The following CACNA2D3 variants were observed in gnomAD, a reference collection of about 807,000 sequenced individuals.
The protein encoded by CACNA2D3 is calcium voltage-gated channel auxiliary subunit alpha2delta 3.
CACNA2D3 carries 60 observed loss-of-function variants against 160.6 expected under a neutral mutation model. The ratio of observed to expected loss-of-function variants is 0.37; its 90% confidence interval spans 0.30 to 0.46. The LOEUF (loss-of-function observed/expected upper bound fraction) is 0.46, where lower values mean the gene tolerates loss of function less well. Ranked by LOEUF, CACNA2D3 falls within the 20% of genes least tolerant of loss-of-function variation. CACNA2D3 has a pLI of 1.00. For missense variants in CACNA2D3, 1,205 were observed against 1,365.0 expected (o/e 0.88, Z 1.85); for synonymous variants, 558 against 492.9 (o/e 1.13, Z -1.75).
At chr3:54,976,204 C>T (rs901383184) in intron 29 of CACNA2D3, among the ~76,000 whole-genome samples, 1 of 151,614 alleles carries the variant, frequency 6.6e-6, no homozygotes, top group African/African-American at 2.4e-5. Context: ...TGGGGGTCAG[C>T]CAGTAGAAAG....
intron 3 of CACNA2D3, among the ~76,000 whole-genome samples, chr3:54,355,378 C>T (rs1379896298): frequency 6.6e-6 from 1 of 152,072 alleles, no homozygotes; most frequent in African/African-American, 2.4e-5. Flanking sequence ...TCTGCAGGAG[C>T]TAGAGTGGAA....
At chr3:54,326,009 A>G (rs1384370829) in intron 3 of CACNA2D3, among the ~76,000 whole-genome samples, 1 of 152,168 alleles carries the variant, frequency 6.6e-6, no homozygotes, top group African/African-American at 2.4e-5. Flanking sequence ...CCCCCTTCCT[A>G]TAGTTACCTG....
intron 19 of CACNA2D3, 115 bp downstream of exon 19, chr3:54,879,204 T>C (rs1699734390): frequency 1.2e-6 from 1 of 851,746 alleles, no homozygotes; most frequent in Non-Finnish European, 1.8e-6. Context: ...TTTTCTCTTG[T>C]CTTTACTTAT....
At chr3:54,369,167 CGTTT>C (rs1048041034) in intron 3 of CACNA2D3, among the ~76,000 whole-genome samples, 6 of 151,718 alleles carry the variant, frequency 4.0e-5, no homozygotes, top group African/African-American at 1.5e-4. Context: ...TGTTGAGTTT[CGTTT>C]GTTTGTTTCA....
intron 3 of CACNA2D3, among the ~76,000 whole-genome samples, chr3:54,366,554 C>T (rs529178275): frequency 5.9e-5 from 9 of 152,108 alleles, no homozygotes; most frequent in Non-Finnish European, 7.4e-5. Context: ...AAATTGGATT[C>T]GCAGGAGATG....
At chr3:54,540,747 C>G (rs913560129) in intron 5 of CACNA2D3, among the ~76,000 whole-genome samples, 1 of 152,084 alleles carries the variant, frequency 6.6e-6, no homozygotes, top group Non-Finnish European at 1.5e-5. Flanking sequence ...TGAGTGTTCC[C>G]TCTCATGATT....
chr3:54,924,496 T>C (rs1700953157), intron 27 of CACNA2D3: 3 of 757,404 alleles, frequency 4.0e-6, no homozygotes, highest in African/African-American at 3.5e-5. Flanking sequence ...ATGGCACCGA[T>C]GTGTAAAAGC....
At chr3:54,868,120 C>T (rs2106814486) in intron 17 of CACNA2D3, among the ~76,000 whole-genome samples, 1 of 152,244 alleles carries the variant, frequency 6.6e-6, no homozygotes, top group South Asian at 2.1e-4. Context: ...TGGATTTAGG[C>T]TTAGTACATT....
intron 5 of CACNA2D3, among the ~76,000 whole-genome samples, chr3:54,518,444 T>C (rs796359739): frequency 6.6e-5 from 10 of 152,272 alleles, no homozygotes; most frequent in African/African-American, 2.4e-4. Context: ...AGTGCCCCTC[T>C]GAGAAGCACC....
chr3:54,190,362 C>A (rs763412805), intron 2 of CACNA2D3, among the ~76,000 whole-genome samples: 7 of 152,202 alleles, frequency 4.6e-5, no homozygotes, highest in Non-Finnish European at 1.0e-4. Context: ...CTTAAATCTG[C>A]TTTCCTCTGT....
chr3:54,354,982 T>G (rs1698624425), intron 3 of CACNA2D3, among the ~76,000 whole-genome samples: 1 of 152,274 alleles, frequency 6.6e-6, no homozygotes, highest in Admixed American at 6.5e-5. Flanking sequence ...TTATTTTGGA[T>G]TTTCTCTGTC....
At chr3:54,124,888 A>G (rs764200395) in intron 2 of CACNA2D3, among the ~76,000 whole-genome samples, 3 of 152,206 alleles carry the variant, frequency 2.0e-5, no homozygotes, top group Non-Finnish European at 4.4e-5. Context: ...GAGAATTTAC[A>G]TACCTGTGGC....
intron 4 of CACNA2D3, among the ~76,000 whole-genome samples, chr3:54,414,345 A>G (rs1211445970): frequency 6.6e-6 from 1 of 152,106 alleles, no homozygotes; most frequent in African/African-American, 2.4e-5. Flanking sequence ...TTGTATTAGT[A>G]CCATCCCTTT....
At chr3:54,215,463 T>A (rs1701443689) in intron 2 of CACNA2D3, among the ~76,000 whole-genome samples, 1 of 152,258 alleles carries the variant, frequency 6.6e-6, no homozygotes, top group South Asian at 2.1e-4. Flanking sequence ...ACTTTGTATC[T>A]TTTGACTGCG....
intron 8 of CACNA2D3, among the ~76,000 whole-genome samples, chr3:54,573,445 T>C (rs1246875329): frequency 2.0e-5 from 3 of 152,258 alleles, no homozygotes; most frequent in Admixed American, 6.5e-5. Flanking sequence ...AATGTTTCTG[T>C]GTATATGAGC....
chr3:54,441,982 T>A (rs1010419575), intron 4 of CACNA2D3, among the ~76,000 whole-genome samples: 1 of 152,198 alleles, frequency 6.6e-6, no homozygotes, highest in Non-Finnish European at 1.5e-5. Flanking sequence ...ATTTAAAACT[T>A]TTTTTAGAGA....
At chr3:54,677,403 A>G (rs1277560155) in intron 11 of CACNA2D3, among the ~76,000 whole-genome samples, 1 of 152,230 alleles carries the variant, frequency 6.6e-6, no homozygotes, top group Non-Finnish European at 1.5e-5. Context: ...GGCAAAAATT[A>G]GCTATCATCA....
intron 9 of CACNA2D3, among the ~76,000 whole-genome samples, chr3:54,604,756 C>T (rs1385670869): frequency 1.3e-5 from 2 of 152,182 alleles, no homozygotes; most frequent in African/African-American, 4.8e-5. Flanking sequence ...CCTTCCCCAG[C>T]CCCCACTTGA....
chr3:54,945,981 C>T (rs1443773376), intron 27 of CACNA2D3, among the ~76,000 whole-genome samples: 3 of 152,328 alleles, frequency 2.0e-5, no homozygotes, highest in Non-Finnish European at 2.9e-5. Flanking sequence ...TTCTTTGCCA[C>T]GCTTATTCGC....
Sources: gnomAD v4.1 joint callset for allele counts (sites outside exome capture counted in the v4.1 genomes callset) on GRCh38, gnomAD v4.1.1 for gene constraint, MANE v1.5 for transcripts, NCBI Gene and HGNC (gene_info 2026-07-23, HGNC 2026-07-21) for gene names.